Variants in TG observed in about 807,000 individuals in gnomAD.
TG encodes thyroglobulin.
A neutral mutation model predicts 324.7 loss-of-function variants in TG; 270 were observed. That is an observed-to-expected ratio of 0.83 (90% CI 0.75 to 0.92). The LOEUF is 0.92. TG is among the 40% of genes least tolerant of loss of function. The pLI is 0.00. For missense variants in TG, 3,591 were observed against 3,456.4 expected (o/e 1.04, Z -0.98); for synonymous variants, 1,401 against 1,327.0 (o/e 1.06, Z -1.21).
At chr8:133,106,761 C>T (rs1380989279) in intron 43 of TG, among the ~76,000 whole-genome samples, 1 of 152,192 alleles carries the variant, frequency 6.6e-6, no homozygotes, top group African/African-American at 2.4e-5. Context: ...CCAGGACAGT[C>T]CATATCACAT....
chr8:132,963,653 A>C (rs1317788691), intron 29 of TG, among the ~76,000 whole-genome samples: 1 of 151,686 alleles, frequency 6.6e-6, no homozygotes, highest in African/African-American at 2.4e-5. Context: ...GAGACAAGAC[A>C]TCTGCATGTG....
Position 132,933,434 on chromosome 8 carries a change from TTGTG to T in TG, c.4817-99_4817-96del, listed in dbSNP as rs370957018. ...TGTGTGTATTTGTGTATCTGCATATTTGTGTGTGTGTGTGTGTGTGTGTGTGTGT... is the reference window on the plus strand; with the variant it reads ...TGTGTGTATTTGTGTATCTGCATATTTGTGTGTGTGTGTGTGTGTGTGTGT... On this transcript the variant is annotated intron_variant, in intron 23 of 47. Coordinates refer to ENST00000220616, the MANE Select transcript of TG (RefSeq NM_003235.5). The T allele has an allele frequency of 1.8e-3, 1,192 of 675,836 alleles. 2 individuals carry two copies. Among genetic ancestry groups the T allele is most frequent in the South Asian group, 2.4e-3 (155 of 65,276 alleles). The allele number at this position is 675,836 out of a possible 1,614,324, so 41.9% of individuals were successfully genotyped here. A position where few individuals can be genotyped will look rare whatever the true frequency, so the allele number is the denominator to read the frequency against.
intron 4 of TG, 81 bp downstream of exon 4, chr8:132,871,632 T>C (rs1839490556): frequency 7.0e-7 from 1 of 1,438,300 alleles, no homozygotes; most frequent in Non-Finnish European, 9.5e-7. Context: ...ACATTTAGGG[T>C]TTCCTGCCGA....
chr8:132,901,293 G>A, intron 15 of TG, 60 bp from the exon 16 acceptor site: 1 of 1,599,362 alleles, frequency 6.3e-7, no homozygotes, highest in Non-Finnish European at 8.6e-7. Context: ...AGGGTGATTG[G>A]GCATCTGAGC....
At chr8:133,044,091 CACAA>C (rs570190234) in intron 41 of TG, among the ~76,000 whole-genome samples, 206 of 152,286 alleles carry the variant, frequency 1.4e-3, no homozygotes, top group African/African-American at 4.8e-3. Context: ...GAAAGTGAGA[CACAA>C]ACAGCCAACC....
intron 21 of TG, among the ~76,000 whole-genome samples, chr8:132,919,875 C>A (rs1187051524): frequency 2.6e-5 from 4 of 152,208 alleles, no homozygotes; most frequent in Non-Finnish European, 5.9e-5. Flanking sequence ...CTGGGCCAGG[C>A]ATTTTACCTG....
intron 44 of TG, among the ~76,000 whole-genome samples, chr8:133,116,124 G>A (rs1244441353): frequency 6.6e-6 from 1 of 152,130 alleles, no homozygotes; most frequent in Non-Finnish European, 1.5e-5. Flanking sequence ...CGCCTGCTGA[G>A]AGCCCCTGGG....
chr8:133,099,103 C>T (rs1051310812), intron 43 of TG, among the ~76,000 whole-genome samples: 1 of 152,212 alleles, frequency 6.6e-6, no homozygotes, highest in Non-Finnish European at 1.5e-5. Context: ...AGGCTCACTG[C>T]CAAACAGGGG....
intron 41 of TG, chr8:133,051,057 C>T: frequency 1.6e-6 from 1 of 621,740 alleles, no homozygotes; most frequent in Non-Finnish European, 2.9e-6. Context: ...CAATTTACAG[C>T]AAGGTCCTCT....
intron 35 of TG, among the ~76,000 whole-genome samples, chr8:133,000,484 C>T (rs965510704): frequency 2.0e-5 from 3 of 152,162 alleles, no homozygotes; most frequent in African/African-American, 7.2e-5. Context: ...TAATTTACTC[C>T]AAGTCACAGA....
At chr8:132,917,861 T>C in intron 20 of TG, among the ~76,000 whole-genome samples, 1 of 149,110 alleles carries the variant, frequency 6.7e-6, no homozygotes, top group East Asian at 2.0e-4. Flanking sequence ...TTTATTAGGC[T>C]GGTGCAAAAG....
chr8:132,908,438 CAGGGG>C, intron 18 of TG, 98 bp downstream of exon 18: 1 of 293,702 alleles, frequency 3.4e-6, no homozygotes. Context: ...AGGCTGGAGA[CAGGGG>C]CCCCATCTTC....
intron 34 of TG, among the ~76,000 whole-genome samples, chr8:132,973,613 C>A (rs915229520): frequency 2.6e-5 from 4 of 152,158 alleles, no homozygotes; most frequent in Admixed American, 1.3e-4. Flanking sequence ...GTGAAAACAG[C>A]GAATGAGACT....
chr8:132,915,789 C>T (rs3992994), intron 20 of TG, among the ~76,000 whole-genome samples: 1 of 152,172 alleles, frequency 6.6e-6, no homozygotes, highest in African/African-American at 2.4e-5. Flanking sequence ...GCCAGTCTTG[C>T]TCTAGATAAA....
intron 11 of TG, among the ~76,000 whole-genome samples, chr8:132,897,313 A>G (rs1462043886): frequency 5.3e-5 from 8 of 152,074 alleles, no homozygotes; most frequent in African/African-American, 2.4e-5. Context: ...TGCCTCACAC[A>G]TAACATATGA....
At chr8:133,095,290 A>C (rs994690972) in intron 42 of TG, 82 bp downstream of exon 42, 743 of 1,582,920 alleles carry the variant, frequency 4.7e-4, no homozygotes, top group East Asian at 4.0e-3. Context: ...AGGAGGTGTC[A>C]CCCACCCCAG....
chr8:133,022,186 C>A (rs3758114), intron 40 of TG, 36 bp downstream of exon 40: 1 of 1,613,664 alleles, frequency 6.2e-7, no homozygotes, highest in Non-Finnish European at 8.5e-7. Context: ...TGCTGACCCC[C>A]TGAGCCAAGG....
Position 133,096,215 on chromosome 8 carries a change from G to A in TG, c.7414G>A (p.Val2472Met), listed in dbSNP as rs61730222. 2.8e-5 allele frequency: 45 copies of A among 1,614,082 alleles called. No individual in the cohort carries two copies. The highest frequency in any genetic ancestry group is 3.1e-5 in the Non-Finnish European group (37 of 1,180,052). ...GTTGCATCCAATGCAGCTCCTGGCC[G>A]TGAGTGGCCCTTTCCACTACTGGGG... ...LNDAQTKLLA[V>M]SGPFHYWGPV... Residue 2472 changes from valine (V) to methionine (M), a missense_variant, in exon 43 of 48, where the codon GTG (valine) becomes ATG (methionine). By Grantham distance (21) the Val-to-Met change is conservative (BLOSUM62 1). Coordinates refer to ENST00000220616, the MANE Select transcript of TG (RefSeq NM_003235.5).
intron 44 of TG, among the ~76,000 whole-genome samples, 165 bp from the exon 45 acceptor site, chr8:133,116,444 G>A (rs1027287830): frequency 2.6e-5 from 4 of 152,228 alleles, no homozygotes; most frequent in Non-Finnish European, 4.4e-5. Flanking sequence ...GGCAGTGGAG[G>A]CACTTGGAGA....
Sources: gnomAD v4.1 joint callset for allele counts (sites outside exome capture counted in the v4.1 genomes callset) on GRCh38, gnomAD v4.1.1 for gene constraint, MANE v1.5 for transcripts, NCBI Gene and HGNC (gene_info 2026-07-23, HGNC 2026-07-21) for gene names.